Variants in SOX5 observed in about 807,000 individuals in gnomAD.
SOX5 encodes transcription factor SOX-5.
In SOX5, 9 loss-of-function variants were observed where a neutral mutation model predicts 92.0. The ratio of observed to expected loss-of-function variants is 0.10; its 90% CI spans 0.06 to 0.17. The LOEUF is 0.17. Among genes scored for constraint, SOX5 ranks in the 10% least tolerant of loss-of-function variants. The probability of loss-of-function intolerance (pLI) is 1.00; values close to 1 mark genes in which losing one functional copy is unlikely to be tolerated. For missense variants in SOX5, 642 were observed against 944.5 expected, an observed-to-expected ratio of 0.68 and a Z score of 4.20; for synonymous variants, 344 against 336.3, an observed-to-expected ratio of 1.02 and a Z score of -0.25.
intron 1 of SOX5, among the ~76,000 whole-genome samples, chr12:24,394,913 G>A (rs972057562): frequency 4.6e-5 from 7 of 151,890 alleles, no homozygotes; most frequent in Non-Finnish European, 1.0e-4. Flanking sequence ...TTCAAATTAC[G>A]ATACGCCTTT....
chr12:23,945,196 T>G (rs1346272955), intron 1 of SOX5, among the ~76,000 whole-genome samples: 1 of 152,176 alleles, frequency 6.6e-6, no homozygotes. Flanking sequence ...TTTCCAACTC[T>G]GTGGAGGACT....
intron 6 of SOX5, among the ~76,000 whole-genome samples, chr12:23,675,819 C>G (rs2085578245): frequency 6.6e-6 from 1 of 151,832 alleles, no homozygotes; most frequent in African/African-American, 2.4e-5. Context: ...TATAAGGAAC[C>G]CAACTACAAA....
chr12:24,045,904 C>CCATAGT (rs1956965655), intron 4 of SOX5, among the ~76,000 whole-genome samples: 2 of 152,064 alleles, frequency 1.3e-5, no homozygotes, highest in Non-Finnish European at 2.9e-5. Context: ...TATTCCATAG[C>CCATAGT]TCTTATGTGT....
chr12:24,214,933 C>T (rs776025008), intron 3 of SOX5, among the ~76,000 whole-genome samples: 57 of 152,074 alleles, frequency 3.7e-4, no homozygotes, highest in South Asian at 8.3e-4. Flanking sequence ...GGATTTATCC[C>T]AGGAATGCAA....
At chr12:24,373,510 G>T (rs1361972542) in intron 1 of SOX5, among the ~76,000 whole-genome samples, 3 of 151,924 alleles carry the variant, frequency 2.0e-5, no homozygotes, top group African/African-American at 4.8e-5. Context: ...CAGGCAACTG[G>T]GTTGAAGCTG....
chr12:23,976,823 T>G (rs779903540), intron 4 of SOX5, among the ~76,000 whole-genome samples: 49 of 152,188 alleles, frequency 3.2e-4, no homozygotes, highest in Non-Finnish European at 4.6e-4. Context: ...TGTTGTTTTT[T>G]TTTTTAAAAC....
intron 3 of SOX5, among the ~76,000 whole-genome samples, chr12:23,792,652 A>C (rs952465564): frequency 1.4e-4 from 21 of 147,668 alleles, no homozygotes; most frequent in Non-Finnish European, 2.5e-4. Context: ...AAAAAAAAAA[A>C]AAAAAAAAAA....
chr12:23,604,770 A>G (rs2137537211), intron 8 of SOX5, among the ~76,000 whole-genome samples: 1 of 152,320 alleles, frequency 6.6e-6, no homozygotes, highest in East Asian at 1.9e-4. Context: ...CTCAAAGCAA[A>G]TAAGAGCCAT....
chr12:24,374,820 C>G (rs1049185918), intron 1 of SOX5, among the ~76,000 whole-genome samples: 6 of 152,156 alleles, frequency 3.9e-5, no homozygotes, highest in Non-Finnish European at 1.5e-5. Flanking sequence ...ACAGCCTCCC[C>G]CAAAGATGGT....
intron 3 of SOX5, among the ~76,000 whole-genome samples, chr12:23,819,126 A>G (rs2094454856): frequency 1.3e-5 from 2 of 152,240 alleles, no homozygotes; most frequent in Non-Finnish European, 2.9e-5. Flanking sequence ...TACTGTACAT[A>G]ACTGTATGTG....
chr12:23,980,413 A>T (rs1459379073), intron 4 of SOX5, among the ~76,000 whole-genome samples: 1 of 152,044 alleles, frequency 6.6e-6, no homozygotes, highest in Non-Finnish European at 1.5e-5. Flanking sequence ...TCCTTCATAT[A>T]TATATAATTT....
chr12:23,966,834 G>C (rs10743485), intron 4 of SOX5, among the ~76,000 whole-genome samples: 80,407 of 151,938 alleles, frequency 0.53, 21,689 homozygotes, highest in East Asian at 0.64. Flanking sequence ...ACAGTTATTA[G>C]AGCCAATAGT....
At chr12:23,933,034 T>C (rs1941785181) in intron 1 of SOX5, among the ~76,000 whole-genome samples, 1 of 151,704 alleles carries the variant, frequency 6.6e-6, no homozygotes, top group Non-Finnish European at 1.5e-5. Flanking sequence ...TTCACACTGA[T>C]GTGTACTTTT....
intron 3 of SOX5, among the ~76,000 whole-genome samples, chr12:24,265,317 C>T (rs547003500): frequency 6.6e-6 from 1 of 152,116 alleles, no homozygotes; most frequent in African/African-American, 2.4e-5. Flanking sequence ...TAAGTTGAGC[C>T]GGGCCCTTGA....
intron 7 of SOX5, among the ~76,000 whole-genome samples, chr12:23,659,378 T>C (rs1460945580): frequency 1.3e-5 from 2 of 152,234 alleles, no homozygotes; most frequent in Non-Finnish European, 2.9e-5. Flanking sequence ...ACGGAAATAC[T>C]GTTCAGAAAA....
intron 4 of SOX5, among the ~76,000 whole-genome samples, chr12:24,071,766 A>G (rs933038094): frequency 4.6e-5 from 7 of 152,184 alleles, no homozygotes; most frequent in African/African-American, 1.4e-4. Flanking sequence ...TACTTAATTC[A>G]TAACAGGTGG....
intron 4 of SOX5, among the ~76,000 whole-genome samples, chr12:24,115,060 C>T (rs542099993): frequency 2.0e-4 from 30 of 151,908 alleles, no homozygotes; most frequent in Admixed American, 6.6e-4. Flanking sequence ...TTTAATTGAA[C>T]GAAGACGGAA....
At chr12:24,293,980 T>C (rs1215721586) in intron 2 of SOX5, among the ~76,000 whole-genome samples, 2 of 152,168 alleles carry the variant, frequency 1.3e-5, no homozygotes, top group African/African-American at 4.8e-5. Flanking sequence ...CTCCATTAAA[T>C]AGTAAAGCAC....
intron 1 of SOX5, among the ~76,000 whole-genome samples, chr12:24,521,979 T>C (rs913573659): frequency 3.4e-5 from 5 of 147,462 alleles, no homozygotes; most frequent in African/African-American, 1.0e-4. Context: ...GACCATAAAA[T>C]AGAAAAAAAA....
Sources: gnomAD v4.1 joint callset for allele counts (sites outside exome capture counted in the v4.1 genomes callset) on GRCh38, gnomAD v4.1.1 for gene constraint, MANE v1.5 for transcripts, NCBI Gene and HGNC (gene_info 2026-07-23, HGNC 2026-07-21) for gene names.